EMCN: variants seen among roughly 807,000 people sequenced by gnomAD.
The protein encoded by EMCN is endomucin.
A neutral mutation model predicts 38.4 loss-of-function variants in EMCN; 37 were observed. The ratio of observed to expected loss-of-function variants is 0.96; its 90% CI spans 0.74 to 1.27. The LOEUF is 1.27. Among genes scored for constraint, EMCN ranks in the 50% most tolerant of loss-of-function variants. The probability of loss-of-function intolerance (pLI) is 0.00; values close to 1 mark genes in which losing one functional copy is unlikely to be tolerated. For synonymous variants in EMCN, 95 were observed against 100.8 expected (o/e 0.94, Z 0.35); for missense variants, 318 against 302.8 (o/e 1.05, Z -0.37).
chr4:100,436,279 A>C (rs1413572326), intron 5 of EMCN, among the ~76,000 whole-genome samples: 1 of 152,216 alleles, frequency 6.6e-6, no homozygotes, highest in Non-Finnish European at 1.5e-5. Context: ...ATCATTGATC[A>C]TTAGAGAAAT....
chr4:100,518,002 T>A lies in EMCN; in HGVS notation c.-88A>T. 7.7e-7 allele frequency: 1 copy of A among 1,294,264 alleles called. No individual in the cohort carries two copies. Among genetic ancestry groups the A allele is most frequent in the South Asian group, 1.2e-5 (1 of 84,354 alleles). 80.2% of individuals were successfully genotyped at this position (1,294,264 alleles called of 1,614,324 possible). ...AGCCTGGCAGGGCCTTATTAGCAAA[T>A]GGAAAAGGTGTAGTGAATGTGAATA... is the stretch of plus-strand genomic sequence containing the variant. On this transcript the variant is annotated 5_prime_UTR_variant, in exon 1 of 12. Transcript: ENST00000296420.
intron 5 of EMCN, among the ~76,000 whole-genome samples, chr4:100,428,060 C>T (rs1457844620): frequency 7.6e-6 from 1 of 131,378 alleles, no homozygotes; most frequent in Non-Finnish European, 1.7e-5. Flanking sequence ...TATATCCTTT[C>T]TTCCTTCAGC....
intron 11 of EMCN, among the ~76,000 whole-genome samples, chr4:100,408,303 T>C (rs1019545025): frequency 6.6e-6 from 1 of 152,182 alleles, no homozygotes; most frequent in African/African-American, 2.4e-5. Flanking sequence ...ATCTGGCTTT[T>C]AGAGTTTCAG....
rs933197940 is a variant in EMCN, at chr4:100,418,250, GT to G, written c.665-1110del. Among the ~76,000 whole-genome samples the G allele has an allele frequency of 3.3e-5, 5 of 151,936 alleles. No individual in the cohort carries two copies. In the East Asian group the frequency reaches 5.8e-4, roughly 18 times the overall value. On this transcript the variant is annotated intron_variant, in intron 8 of 11. Transcript: ENST00000296420. Reference sequence around the variant, plus strand: ...TGCTAATAGCCCTGTTTTAAAATGAGTTTTTTTCATTTATAATTTTTGGGGG... The same window carrying G: ...TGCTAATAGCCCTGTTTTAAAATGAGTTTTTTCATTTATAATTTTTGGGGG...
At chr4:100,401,769 C>G (rs994228868) in intron 11 of EMCN, among the ~76,000 whole-genome samples, 1 of 152,042 alleles carries the variant, frequency 6.6e-6, no homozygotes, top group Non-Finnish European at 1.5e-5. Flanking sequence ...TCCAAGCTAC[C>G]GGACTTTCTA....
intron 1 of EMCN, among the ~76,000 whole-genome samples, chr4:100,503,635 G>A (rs1729405647): frequency 6.6e-6 from 1 of 151,946 alleles, no homozygotes; most frequent in African/African-American, 2.4e-5. Flanking sequence ...CTGGAGTGCA[G>A]TGGCGTGATC....
chr4:100,461,307 A>C (rs1728171831), intron 4 of EMCN, among the ~76,000 whole-genome samples: 1 of 152,078 alleles, frequency 6.6e-6, no homozygotes, highest in Non-Finnish European at 1.5e-5. Flanking sequence ...CACTACCATC[A>C]CCACTTGCTT....
At chr4:100,432,096 G>A (rs1727220050) in intron 5 of EMCN, among the ~76,000 whole-genome samples, 2 of 152,080 alleles carry the variant, frequency 1.3e-5, no homozygotes, top group Admixed American at 6.6e-5. Context: ...TAATGGCTAT[G>A]CAATGTTTGC....
At chr4:100,444,029 A>T (rs1161333027) in intron 5 of EMCN, among the ~76,000 whole-genome samples, 1 of 152,226 alleles carries the variant, frequency 6.6e-6, no homozygotes, top group Admixed American at 6.5e-5. Flanking sequence ...CTATGAGGCC[A>T]GGTACAGCAG....
chr4:100,448,795 T>TTTTCCTTCCTTC (rs58028381), intron 4 of EMCN, among the ~76,000 whole-genome samples: 1 of 114,324 alleles, frequency 8.7e-6, no homozygotes, highest in African/African-American at 3.3e-5. Context: ...TGCCTTGAAG[T>TTTTCCTTCCTTC]CTTCCTTCCT....
chr4:100,435,233 A>AT (rs1727317053), intron 5 of EMCN, among the ~76,000 whole-genome samples: 1 of 152,230 alleles, frequency 6.6e-6, no homozygotes, highest in Admixed American at 6.5e-5. Flanking sequence ...CACCAACAGC[A>AT]TGCAAGCATA....
At chr4:100,502,941 A>G (rs1481440233) in intron 1 of EMCN, among the ~76,000 whole-genome samples, 1 of 152,162 alleles carries the variant, frequency 6.6e-6, no homozygotes, top group Non-Finnish European at 1.5e-5. Flanking sequence ...ATATAATAAA[A>G]GTATCATTTT....
At chr4:100,416,795 GT>G (rs1486925736) in intron 9 of EMCN, among the ~76,000 whole-genome samples, 1 of 152,108 alleles carries the variant, frequency 6.6e-6, no homozygotes, top group Admixed American at 6.6e-5. Context: ...AAATTTCCCT[GT>G]GATAAACATA....
chr4:100,480,053 A>G lies in EMCN; in HGVS notation c.65-14T>C. On this transcript the variant is annotated splice_polypyrimidine_tract_variant and intron_variant, in intron 1 of 11. Coordinates refer to ENST00000296420, the MANE Select transcript of EMCN (RefSeq NM_016242.4). ...CCTCTAAAACACCTGAAAAAAGTAA[A>G]GTAGTTGCATTAACATTTACATATA... 6.2e-7 allele frequency: 1 copy of G among 1,603,498 alleles called. No homozygotes were observed. Among genetic ancestry groups the G allele is most frequent in the South Asian group, 1.1e-5 (1 of 89,270 alleles).
chr4:100,480,372 G>T (rs553736393), intron 1 of EMCN, among the ~76,000 whole-genome samples: 1 of 151,838 alleles, frequency 6.6e-6, no homozygotes, highest in Admixed American at 6.6e-5. Flanking sequence ...GCTTAAATGG[G>T]CACTCTCTGG....
At chr4:100,487,846 T>A (rs1478106365) in intron 1 of EMCN, among the ~76,000 whole-genome samples, 1 of 152,198 alleles carries the variant, frequency 6.6e-6, no homozygotes, top group Non-Finnish European at 1.5e-5. Context: ...TACTGAGTCT[T>A]GGGTACTTCT....
At chr4:100,401,817 T>C (rs2110203661) in intron 11 of EMCN, among the ~76,000 whole-genome samples, 1 of 152,226 alleles carries the variant, frequency 6.6e-6, no homozygotes, top group Admixed American at 6.5e-5. Context: ...CCCCCTTCAC[T>C]CTTCAGCCTT....
chr4:100,505,233 G>T (rs1729452170), intron 1 of EMCN, among the ~76,000 whole-genome samples: 1 of 152,128 alleles, frequency 6.6e-6, no homozygotes, highest in African/African-American at 2.4e-5. Context: ...GGTGGTAGTG[G>T]TCCCCGGGCC....
rs940927888 is a variant in EMCN, at chr4:100,475,066, T to C, written c.231A>G (p.Thr77=). The part of the protein sequence containing the change: ...NELLKMSLMS[T]ATFLTSKDEG... ...CATCTTTACTTGTTAAAAAAGTAGCTGTTGACATCAGAGACATTTTAAGTA... is the reference window on the plus strand; with the variant it reads ...CATCTTTACTTGTTAAAAAAGTAGCCGTTGACATCAGAGACATTTTAAGTA... Residue 77 remains threonine (T), a synonymous_variant, in exon 3 of 12, where the codon ACA becomes ACG. Coordinates refer to ENST00000296420, the MANE Select transcript of EMCN (RefSeq NM_016242.4). 3.2e-6 allele frequency: 5 copies of C among 1,542,676 alleles called. No individual in the cohort carries two copies. The African/African-American group carries it at 5.4e-5, about 17-fold the overall frequency.
Sources: allele counts gnomAD v4.1 joint callset (sites outside exome capture counted in the v4.1 genomes callset), GRCh38; gene constraint gnomAD v4.1.1; transcripts MANE v1.5; gene names NCBI Gene and HGNC (gene_info 2026-07-23, HGNC 2026-07-21).